The following CD96 variants were observed in gnomAD, a reference collection of about 807,000 sequenced individuals.
CD96 encodes the protein CD96 molecule.
Under a neutral mutation model 71.3 loss-of-function variants are expected in CD96, and 70 were observed. That is an observed-to-expected ratio of 0.98 (90% CI 0.81 to 1.20). CD96 has a LOEUF of 1.20. Among genes scored for constraint, CD96 ranks in the 50% most tolerant of loss-of-function variants. The pLI, the probability that CD96 is intolerant of heterozygous loss-of-function variation, is 0.00. For synonymous variants in CD96, 248 were observed against 233.0 expected (o/e 1.06, Z -0.59); for missense variants, 742 against 677.5 (o/e 1.10, Z -1.06).
chr3:111,582,996 A>C (rs566528114), intron 4 of CD96, among the ~76,000 whole-genome samples: 1 of 152,280 alleles, frequency 6.6e-6, no homozygotes, highest in South Asian at 2.1e-4. Flanking sequence ...ATTAACCCAA[A>C]AGTCCAAGTC....
intron 3 of CD96, among the ~76,000 whole-genome samples, chr3:111,574,468 T>C (rs1349654039): frequency 6.6e-6 from 1 of 152,234 alleles, no homozygotes; most frequent in Non-Finnish European, 1.5e-5. Flanking sequence ...TTACTCAACC[T>C]GTAGTACAAA....
At chr3:111,614,770 C>A (rs1464915944) in intron 8 of CD96, among the ~76,000 whole-genome samples, 2 of 152,204 alleles carry the variant, frequency 1.3e-5, no homozygotes, top group East Asian at 3.8e-4. Flanking sequence ...CTAATGCAGC[C>A]TCTCCAGCCT....
chr3:111,573,966 G>A (rs939579089), intron 3 of CD96, among the ~76,000 whole-genome samples: 2 of 152,200 alleles, frequency 1.3e-5, no homozygotes, highest in Non-Finnish European at 2.9e-5. Context: ...GAAATATATT[G>A]TTCTGGTGCT....
In CD96 at chr3:111,637,246, G is replaced by A. The variant is rs1359254986; in HGVS notation, c.1372G>A (p.Gly458Ser). Residue 458 changes from glycine to serine, a missense_variant, in exon 11 of 14, where the codon GGC becomes AGC. Physicochemically the swap from Gly to Ser is moderately conservative, Grantham distance 56 (BLOSUM62 0). Coordinates refer to ENST00000352690, the MANE Select transcript of CD96 (RefSeq NM_005816.5). ...ATACAGTTCATCCCCGTCAGGTGCA[G>A]GCTCAACACTTCATGGTGAGTACTT... ...ETYSSSPSGA[G>S]STLHDNVFTS... The A allele has an allele frequency of 6.4e-7, 1 of 1,569,536 alleles. No individual in the cohort carries two copies. Among genetic ancestry groups the A allele is most frequent in the Non-Finnish European group, 8.8e-7 (1 of 1,139,282 alleles).
intron 14 of CD96, among the ~76,000 whole-genome samples, chr3:111,662,611 C>T (rs551781514): frequency 6.6e-6 from 1 of 152,342 alleles, no homozygotes; most frequent in South Asian, 2.1e-4. Flanking sequence ...TAAATCATCT[C>T]TCTTAAGTTC....
intron 13 of CD96, among the ~76,000 whole-genome samples, chr3:111,648,541 A>G (rs773432186): frequency 2.0e-5 from 3 of 152,208 alleles, no homozygotes; most frequent in Non-Finnish European, 4.4e-5. Flanking sequence ...AAACAAAAGT[A>G]AAACAAAAGT....
chr3:111,645,420 G>A (rs1213564685), intron 12 of CD96, among the ~76,000 whole-genome samples: 1 of 152,044 alleles, frequency 6.6e-6, no homozygotes, highest in East Asian at 1.9e-4. Flanking sequence ...ATGATGCACT[G>A]TATACTGCTT....
intron 12 of CD96, among the ~76,000 whole-genome samples, chr3:111,640,390 T>G (rs765333905): frequency 2.0e-5 from 3 of 151,810 alleles, no homozygotes; most frequent in Non-Finnish European, 4.4e-5. Flanking sequence ...AGAAAGAAAT[T>G]CAGAGCTCAA....
At chr3:111,603,628 T>G (rs776896416) in intron 7 of CD96, among the ~76,000 whole-genome samples, 7 of 152,300 alleles carry the variant, frequency 4.6e-5, no homozygotes, top group Non-Finnish European at 4.4e-5. Context: ...GGGTGGATAA[T>G]ATTTTGGTTG....
intron 2 of CD96, among the ~76,000 whole-genome samples, chr3:111,555,458 G>T (rs1934949448): frequency 6.6e-6 from 1 of 152,288 alleles, no homozygotes; most frequent in Non-Finnish European, 1.5e-5. Context: ...AATTTTAAAG[G>T]ATAATTTCAA....
chr3:111,652,704 G>A (rs935209137), downstream of CD96, among the ~76,000 whole-genome samples: 7 of 152,162 alleles, frequency 4.6e-5, no homozygotes, highest in African/African-American at 1.7e-4. Flanking sequence ...TCAGTGAGTA[G>A]TTCAGAGGAA....
rs762010092 is a variant in CD96 at position 111,585,368 on chromosome 3, T to A, written c.797T>A (p.Val266Asp). The stretch of plus-strand genomic sequence containing the variant: ...ATTGTGGAAAATAACTCCACGGATG[T>A]CTTGGTAGAGGTGAGTCACATAAAA... Reference protein sequence around the residue: ...PVIVENNSTDVLVERRFTCLL... With the variant: ...PVIVENNSTDDLVERRFTCLL... The change falls in exon 5 of 14, where the codon GTC becomes GAC. Residue 266 changes from valine to aspartate, a missense_variant. By Grantham distance (152) the Val-to-Asp change is radical. Transcript: ENST00000352690. 1 of 1,606,478 alleles carries A rather than the reference T, an allele frequency of 6.2e-7. No homozygotes were observed. Among genetic ancestry groups the A allele is most frequent in the Admixed American group, 1.7e-5 (1 of 59,988 alleles).
At chr3:111,566,880 T>C (rs1225264526) in intron 2 of CD96, among the ~76,000 whole-genome samples, 1 of 152,198 alleles carries the variant, frequency 6.6e-6, no homozygotes, top group African/African-American at 2.4e-5. Flanking sequence ...AAAACTATTA[T>C]GTATGATACT....
At chr3:111,664,603 G>A (rs367966035) in intron 14 of CD96, among the ~76,000 whole-genome samples, 58 of 152,088 alleles carry the variant, frequency 3.8e-4, no homozygotes, top group Middle Eastern at 3.4e-3. Context: ...CCAAACCTCA[G>A]CATCACACAA....
intron 12 of CD96, among the ~76,000 whole-genome samples, chr3:111,642,815 AT>A (rs1939654181): frequency 6.6e-6 from 1 of 151,994 alleles, no homozygotes; most frequent in Admixed American, 6.6e-5. Flanking sequence ...TAAAAAAAAA[AT>A]AAATAAATAA....
chr3:111,582,984 G>A (rs1260802431), intron 4 of CD96, among the ~76,000 whole-genome samples: 2 of 152,120 alleles, frequency 1.3e-5, no homozygotes, highest in Non-Finnish European at 2.9e-5. Flanking sequence ...ACCCATTTCA[G>A]CATTAACCCA....
At position 111,544,622 on chromosome 3, in the gene CD96, C is replaced by T. The variant is rs141959618; in HGVS notation, c.62-424C>T. ...GCTATACACATATCATTTATTTTTG[C>T]AGTTTCAGAAAGCATCACGTGTGTA... On this transcript the variant is annotated intron_variant, in intron 1 of 13. Coordinates refer to ENST00000352690, the MANE Select transcript of CD96 (RefSeq NM_005816.5). 9.5e-4 allele frequency among the ~76,000 whole-genome samples: 144 copies of T among 152,270 alleles called. 3 individuals carry two copies. In the East Asian group the frequency reaches 0.022, roughly 23 times the overall value.
intron 4 of CD96, chr3:111,579,461 T>G (rs1936371597): frequency 3.3e-6 from 2 of 608,562 alleles, no homozygotes; most frequent in Non-Finnish European, 6.1e-6. Context: ...AGCCAATAAT[T>G]TTCTGTATTG....
chr3:111,600,772 G>A lies in CD96; in HGVS notation c.945G>A (p.Leu315=). 6.2e-7 allele frequency: 1 copy of A among 1,613,564 alleles called. No individual in the cohort carries two copies. Among genetic ancestry groups the A allele is most frequent in the Non-Finnish European group, 8.5e-7 (1 of 1,179,558 alleles). ...NEERKGKDGF[L]ELKSVLTRVH... ...AGAGAAAAGGCAAAGATGGATTTTT[G>A]GAACTGAAGTCTGTTTTAACAAGGG... is the stretch of plus-strand genomic sequence containing the variant. The change falls in exon 7 of 14, where the codon TTG becomes TTA. Residue 315 remains leucine (L), a synonymous_variant. Transcript: ENST00000352690.
Sources: gnomAD v4.1 joint callset for allele counts (sites outside exome capture counted in the v4.1 genomes callset) on GRCh38, gnomAD v4.1.1 for gene constraint, MANE v1.5 for transcripts, NCBI Gene and HGNC (gene_info 2026-07-23, HGNC 2026-07-21) for gene names.